The following FAM184A variants were observed in gnomAD, a reference collection of about 807,000 sequenced individuals.
FAM184A encodes the protein protein FAM184A.
FAM184A carries 99 observed loss-of-function variants against 143.8 expected under a neutral mutation model. The observed-to-expected ratio is 0.69, with a 90% CI of 0.58 to 0.81. FAM184A has a LOEUF of 0.81. Among genes scored for constraint, FAM184A ranks in the 40% least tolerant of loss-of-function variants. FAM184A has a pLI of 0.00. For missense variants in FAM184A, 1,217 were observed against 1,310.5 expected, an observed-to-expected ratio of 0.93 and a Z score of 1.10; for synonymous variants, 427 against 446.4, an observed-to-expected ratio of 0.96 and a Z score of 0.55.
intron 1 of FAM184A, among the ~76,000 whole-genome samples, chr6:119,041,598 T>C (rs1786335305): frequency 6.6e-6 from 1 of 152,146 alleles, no homozygotes; most frequent in Non-Finnish European, 1.5e-5. Flanking sequence ...CTCTATTAAA[T>C]CTTGCAGCTG....
At chr6:118,983,034 G>C (rs549416795) in intron 9 of FAM184A, among the ~76,000 whole-genome samples, 11 of 152,260 alleles carry the variant, frequency 7.2e-5, no homozygotes, top group African/African-American at 2.6e-4. Flanking sequence ...ATGCAATTTA[G>C]TGTTCAAACA....
chr6:119,060,531 G>T (rs1157398476), intron 1 of FAM184A, among the ~76,000 whole-genome samples: 1 of 152,188 alleles, frequency 6.6e-6, no homozygotes, highest in African/African-American at 2.4e-5. Flanking sequence ...ATTTGAAAAA[G>T]GGAGAAGTGA....
chr6:119,013,245 G>A (rs1370906209), intron 5 of FAM184A, among the ~76,000 whole-genome samples: 2 of 152,114 alleles, frequency 1.3e-5, no homozygotes, highest in African/African-American at 2.4e-5. Flanking sequence ...CTTAAGGCAG[G>A]TGCTAGAAAA....
At chr6:119,143,720 C>A (rs1330989896) in intron 1 of FAM184A, among the ~76,000 whole-genome samples, 1 of 152,172 alleles carries the variant, frequency 6.6e-6, no homozygotes, top group Non-Finnish European at 1.5e-5. Flanking sequence ...AAAGGACACA[C>A]ACTGTACGAT....
At chr6:119,029,731 G>A (rs1472533645) in intron 1 of FAM184A, among the ~76,000 whole-genome samples, 1 of 152,128 alleles carries the variant, frequency 6.6e-6, no homozygotes, top group African/African-American at 2.4e-5. Context: ...TTATAGTGAG[G>A]AGCTTTTATT....
At chr6:118,963,941 A>T (rs1485638402) in intron 16 of FAM184A, 1 of 152,154 alleles carries the variant, frequency 6.6e-6, no homozygotes, top group African/African-American at 2.4e-5. Context: ...ACAAAGATTT[A>T]TAAGACTTGG....
At chr6:119,011,054 C>G (rs1362160874) in intron 6 of FAM184A, 2 of 319,504 alleles carry the variant, frequency 6.3e-6, no homozygotes, top group Non-Finnish European at 1.1e-5. Flanking sequence ...CTCTCTTGTT[C>G]TTTTCCTATG....
At chr6:119,052,870 C>T (rs1786818637) in intron 1 of FAM184A, among the ~76,000 whole-genome samples, 1 of 152,208 alleles carries the variant, frequency 6.6e-6, no homozygotes, top group Non-Finnish European at 1.5e-5. Context: ...TATAATGAAT[C>T]ATCTAACAGT....
At chr6:118,962,425 T>C (rs1783361735) in intron 16 of FAM184A, 1 of 154,534 alleles carries the variant, frequency 6.5e-6, no homozygotes, top group Non-Finnish European at 1.4e-5. Flanking sequence ...GAGGCAGTTC[T>C]TGCCTGGAAA....
intron 1 of FAM184A, among the ~76,000 whole-genome samples, chr6:119,086,843 G>C (rs1212122215): frequency 6.6e-6 from 1 of 152,176 alleles, no homozygotes; most frequent in Non-Finnish European, 1.5e-5. Context: ...TAGTTAGCAG[G>C]CTATTGCACT....
At chr6:119,081,032 C>T (rs982346772), upstream of FAM184A, among the ~76,000 whole-genome samples, 6 of 152,050 alleles carry the variant, frequency 3.9e-5, no homozygotes, top group East Asian at 1.9e-4. Flanking sequence ...AGGTGCTACA[C>T]GCTTTTAAAC....
chr6:119,016,755 GTT>G lies in FAM184A; in HGVS notation c.1520_1521del (p.Lys507ThrfsTer10). ...ATTAAATTTTTACTCACCATTTGCA[GTT>G]TTTTCTTATCCCTAATTGCATTACT... ...VHSNAIRDKK[K>X]LQMDLEEQHN... On this transcript the variant is annotated frameshift_variant, in exon 5 of 18. Transcript: ENST00000338891. LOFTEE classifies it high-confidence loss of function. 2 of 1,612,930 alleles carry G rather than the reference GTT, an allele frequency of 1.2e-6. No individual in the cohort carries two copies. Among genetic ancestry groups the G allele is most frequent in the Non-Finnish European group, 8.5e-7 (1 of 1,179,318 alleles).
chr6:119,131,490 A>G (rs1309368156), intron 1 of FAM184A, among the ~76,000 whole-genome samples: 1 of 151,642 alleles, frequency 6.6e-6, no homozygotes, highest in Non-Finnish European at 1.5e-5. Flanking sequence ...ACTTTTATTT[A>G]TTTATTTATT....
intron 9 of FAM184A, among the ~76,000 whole-genome samples, chr6:119,001,178 T>G (rs1444965192): frequency 1.3e-5 from 2 of 149,476 alleles, no homozygotes; most frequent in African/African-American, 2.5e-5. Flanking sequence ...CCATTTTTAC[T>G]TTAATGGGGC....
intron 4 of FAM184A, among the ~76,000 whole-genome samples, chr6:119,017,867 T>C (rs964028697): frequency 4.6e-5 from 7 of 152,146 alleles, no homozygotes; most frequent in African/African-American, 1.7e-4. Context: ...TCTATGAGTT[T>C]ATGTGAGATC....
chr6:119,137,420 CAACCTTA>C (rs1334036273), intron 1 of FAM184A, among the ~76,000 whole-genome samples: 1 of 152,168 alleles, frequency 6.6e-6, no homozygotes, highest in African/African-American at 2.4e-5. Flanking sequence ...TGTCCTCATT[CAACCTTA>C]ATCATCTCCT....
intron 9 of FAM184A, among the ~76,000 whole-genome samples, chr6:118,998,678 G>A (rs1392619965): frequency 1.3e-5 from 2 of 151,918 alleles, no homozygotes; most frequent in Admixed American, 1.3e-4. Flanking sequence ...TCCATGTGGA[G>A]GGACTGGTAG....
At chr6:119,117,080 C>A (rs981120497) in intron 1 of FAM184A, among the ~76,000 whole-genome samples, 1 of 152,168 alleles carries the variant, frequency 6.6e-6, no homozygotes, top group African/African-American at 2.4e-5. Context: ...CTACCAGGTG[C>A]GACCAGCAGG....
At chr6:119,085,251 G>A (rs971431097) in intron 1 of FAM184A, among the ~76,000 whole-genome samples, 3 of 152,024 alleles carry the variant, frequency 2.0e-5, no homozygotes, top group South Asian at 2.1e-4. Context: ...ACACATATGA[G>A]CATACATTGA....
Sources: gnomAD v4.1 joint callset for allele counts (sites outside exome capture counted in the v4.1 genomes callset) on GRCh38, gnomAD v4.1.1 for gene constraint, MANE v1.5 for transcripts, NCBI Gene and HGNC (gene_info 2026-07-23, HGNC 2026-07-21) for gene names.